Variants in SLCO6A1 observed in about 807,000 individuals in gnomAD.
The protein encoded by SLCO6A1 is solute carrier organic anion transporter family member 6A1.
A neutral mutation model predicts 72.7 loss-of-function variants in SLCO6A1; 65 were observed. The observed-to-expected ratio is 0.89, with a 90% CI of 0.73 to 1.10. The LOEUF (loss-of-function observed/expected upper bound fraction) is 1.10, where lower values mean the gene tolerates loss of function less well. Among genes scored for constraint, SLCO6A1 ranks in the 50% least tolerant of loss-of-function variants. The pLI, the probability that SLCO6A1 is intolerant of heterozygous loss-of-function variation, is 0.00. For missense variants in SLCO6A1, 874 were observed against 872.6 expected (o/e 1.00, Z -0.02); for synonymous variants, 314 against 298.2 (o/e 1.05, Z -0.55).
intron 9 of SLCO6A1, among the ~76,000 whole-genome samples, chr5:102,411,826 T>C (rs987130978): frequency 2.6e-5 from 4 of 152,284 alleles, no homozygotes; most frequent in African/African-American, 9.6e-5. Flanking sequence ...AGCAGTCCTT[T>C]GTGGGGGGGA....
chr5:102,394,152 C>T (rs914458921), intron 10 of SLCO6A1, among the ~76,000 whole-genome samples: 3 of 152,128 alleles, frequency 2.0e-5, no homozygotes, highest in Non-Finnish European at 2.9e-5. Context: ...TAGTCCTTTG[C>T]CTCTTTTTGA....
intron 12 of SLCO6A1, among the ~76,000 whole-genome samples, chr5:102,376,020 C>A (rs1218640434): frequency 1.3e-5 from 2 of 151,968 alleles, no homozygotes; most frequent in African/African-American, 4.8e-5. Context: ...AAGAGTCAGA[C>A]AAAATCAAAG....
intron 7 of SLCO6A1, among the ~76,000 whole-genome samples, chr5:102,437,996 T>C (rs1450231929): frequency 6.6e-6 from 1 of 152,126 alleles, no homozygotes; most frequent in Admixed American, 6.6e-5. Flanking sequence ...ATGTACACAA[T>C]AGCAATTTCC....
At position 102,476,209 on chromosome 5, in the gene SLCO6A1, T is replaced by A. The variant is rs554411842; in HGVS notation, c.803-416A>T. On this transcript the variant is annotated intron_variant, in intron 3 of 13. Coordinates refer to ENST00000506729, the MANE Select transcript of SLCO6A1 (RefSeq NM_173488.5). The stretch of plus-strand genomic sequence containing the variant: ...CTGTTCCCCCCAACACTACTGAAAT[T>A]AAAAAAAATTTTAAACACAAAAATA... Among the ~76,000 whole-genome samples, 3 of 151,772 alleles carry A rather than the reference T, an allele frequency of 2.0e-5. No homozygotes were observed. The East Asian group carries it at 5.8e-4, about 29-fold the overall frequency.
intron 7 of SLCO6A1, among the ~76,000 whole-genome samples, chr5:102,423,253 G>C (rs1748706173): frequency 6.6e-6 from 1 of 152,066 alleles, no homozygotes; most frequent in Admixed American, 6.6e-5. Flanking sequence ...ATGATGACAG[G>C]ATCAAATTCG....
intron 4 of SLCO6A1, among the ~76,000 whole-genome samples, chr5:102,464,395 A>G (rs1297733085): frequency 6.6e-6 from 1 of 152,204 alleles, no homozygotes; most frequent in Non-Finnish European, 1.5e-5. Flanking sequence ...TTATAAATCT[A>G]TAAGAAATAA....
At chr5:102,458,967 T>C (rs1368508658) in intron 5 of SLCO6A1, among the ~76,000 whole-genome samples, 1 of 152,176 alleles carries the variant, frequency 6.6e-6, no homozygotes, top group Non-Finnish European at 1.5e-5. Context: ...TTAACAGTTA[T>C]TATTTTATCT....
chr5:102,468,588 C>T (rs1257361493), intron 4 of SLCO6A1, among the ~76,000 whole-genome samples: 1 of 151,924 alleles, frequency 6.6e-6, no homozygotes, highest in Non-Finnish European at 1.5e-5. Context: ...TATAATATCC[C>T]TCTTTGTCTT....
At chr5:102,446,606 T>A (rs1055385079) in intron 6 of SLCO6A1, among the ~76,000 whole-genome samples, 2 of 152,002 alleles carry the variant, frequency 1.3e-5, no homozygotes, top group East Asian at 1.9e-4. Flanking sequence ...TGAACAGGAG[T>A]GGTGAGAGAG....
intron 9 of SLCO6A1, 123 bp from the exon 10 acceptor site, chr5:102,399,865 C>T: frequency 1.6e-6 from 1 of 620,118 alleles, no homozygotes. Flanking sequence ...TTCAAAATGT[C>T]TTTATATTAA....
chr5:102,490,745 T>C (rs1752635459), intron 1 of SLCO6A1, among the ~76,000 whole-genome samples: 1 of 152,160 alleles, frequency 6.6e-6, no homozygotes, highest in Non-Finnish European at 1.5e-5. Flanking sequence ...TCTGGAGTTG[T>C]TCGTTCCTCC....
At chr5:102,387,399 A>G (rs2112506667) in intron 12 of SLCO6A1, among the ~76,000 whole-genome samples, 1 of 152,338 alleles carries the variant, frequency 6.6e-6, no homozygotes, top group Middle Eastern at 3.4e-3. Flanking sequence ...TTTGTCAAGT[A>G]CATACTGTGT....
intron 7 of SLCO6A1, among the ~76,000 whole-genome samples, chr5:102,432,672 A>G (rs1209832141): frequency 2.0e-5 from 3 of 151,986 alleles, no homozygotes; most frequent in African/African-American, 7.2e-5. Flanking sequence ...TCCTTTGTAG[A>G]TGGCCTGTCC....
chr5:102,464,616 A>AC, intron 4 of SLCO6A1, among the ~76,000 whole-genome samples: 1 of 152,176 alleles, frequency 6.6e-6, no homozygotes, highest in East Asian at 1.9e-4. Flanking sequence ...ACCACCTGAA[A>AC]AGGTGCCTGA....
rs1747299522 is a variant in SLCO6A1 at position 102,399,759 on chromosome 5, C to T, written c.1627-17G>A. ...GTAGTACATCTGTGAGTATTGAAGA[C>T]AGGAAACAATCTTTCAGAAAAATAG... On this transcript the variant is annotated splice_polypyrimidine_tract_variant and intron_variant, in intron 9 of 13. Transcript: ENST00000506729. 1.4e-6 allele frequency: 2 copies of T among 1,480,064 alleles called. No individual in the cohort carries two copies. The highest frequency in any genetic ancestry group is 3.0e-5 in the South Asian group (2 of 66,392). 91.7% of individuals were successfully genotyped at this position (1,480,064 alleles called of 1,614,324 possible).
At chr5:102,439,317 A>G in intron 6 of SLCO6A1, among the ~76,000 whole-genome samples, 1 of 152,086 alleles carries the variant, frequency 6.6e-6, no homozygotes, top group East Asian at 1.9e-4. Flanking sequence ...TTAGAAGGCT[A>G]AGATGTGATG....
intron 4 of SLCO6A1, among the ~76,000 whole-genome samples, chr5:102,471,530 C>T (rs1264850445): frequency 2.0e-5 from 3 of 152,028 alleles, no homozygotes. Flanking sequence ...GTTAAAAGAA[C>T]CCATACAGCC....
chr5:102,464,546 T>C (rs1751215666), intron 4 of SLCO6A1, among the ~76,000 whole-genome samples: 1 of 152,116 alleles, frequency 6.6e-6, no homozygotes, highest in Admixed American at 6.6e-5. Context: ...TAAGGAAAGT[T>C]TAAAGAAATC....
At chr5:102,450,636 C>A (rs1002012982) in intron 6 of SLCO6A1, among the ~76,000 whole-genome samples, 5 of 152,188 alleles carry the variant, frequency 3.3e-5, no homozygotes, top group African/African-American at 1.2e-4. Context: ...GCCTTTTCTT[C>A]CCTCCCTGGC....
Sources: allele counts gnomAD v4.1 joint callset (sites outside exome capture counted in the v4.1 genomes callset), GRCh38; gene constraint gnomAD v4.1.1; transcripts MANE v1.5; gene names NCBI Gene and HGNC (gene_info 2026-07-23, HGNC 2026-07-21).